ARHGEF18: variants seen among roughly 807,000 people sequenced by gnomAD.
ARHGEF18 encodes rho guanine nucleotide exchange factor 18.
In ARHGEF18, 93 loss-of-function variants were observed where a neutral mutation model predicts 155.7. The observed-to-expected ratio is 0.60, with a 90% CI of 0.50 to 0.71. ARHGEF18 has a LOEUF of 0.71. ARHGEF18 is among the 30% of genes least tolerant of loss of function. The probability of loss-of-function intolerance (pLI) is 0.00; values close to 1 mark genes in which losing one functional copy is unlikely to be tolerated. For missense variants in ARHGEF18, 1,593 were observed against 1,816.1 expected, an observed-to-expected ratio of 0.88 and a Z score of 2.23; for synonymous variants, 742 against 753.1, an observed-to-expected ratio of 0.99 and a Z score of 0.24.
rs1268215798 is a variant in ARHGEF18, at chr19:7,388,090, C to A, written c.967+4887C>A. 1.3e-5 allele frequency among the ~76,000 whole-genome samples: 2 copies of A among 151,966 alleles called. 1 individual carries two copies. The highest frequency in any genetic ancestry group is 4.2e-4 in the South Asian group (2 of 4,792). Reference sequence around the variant, plus strand: ...TTATCATGTCCTGCAAATCAATAAACCCCTTACAAAAAAATGACCTTGAGC... The same window carrying A: ...TTATCATGTCCTGCAAATCAATAAAACCCTTACAAAAAAATGACCTTGAGC... On this transcript the variant is annotated intron_variant, in intron 10 of 28. Coordinates refer to ENST00000668164, the MANE Select transcript of ARHGEF18 (RefSeq NM_001367823.1).
At chr19:7,408,287 GAAA>G (rs1972463204) in intron 10 of ARHGEF18, among the ~76,000 whole-genome samples, 1 of 152,114 alleles carries the variant, frequency 6.6e-6, no homozygotes, top group African/African-American at 2.4e-5. Flanking sequence ...AAAAAAAAGA[GAAA>G]GAGCCAGATA....
intron 22 of ARHGEF18, 150 bp downstream of exon 22, chr19:7,464,105 T>C: frequency 8.5e-7 from 1 of 1,177,284 alleles, no homozygotes; most frequent in Non-Finnish European, 1.1e-6. Flanking sequence ...TGGCGCAATC[T>C]CAGCTCTCTG....
intron 1 of ARHGEF18, among the ~76,000 whole-genome samples, chr19:7,362,392 C>G (rs1419158373): frequency 3.3e-5 from 5 of 152,014 alleles, no homozygotes; most frequent in Non-Finnish European, 5.9e-5. Flanking sequence ...TGCATTTGGT[C>G]TACGGGACCA....
chr19:7,467,696 G>T lies in ARHGEF18; in HGVS notation c.3480+12G>T. 1 of 1,474,200 alleles carries T rather than the reference G, an allele frequency of 6.8e-7. No individual in the cohort carries two copies. Among genetic ancestry groups the T allele is most frequent in the Non-Finnish European group, 8.9e-7 (1 of 1,122,382 alleles). 91.3% of individuals were successfully genotyped at this position (1,474,200 alleles called of 1,614,324 possible). ...ACACACTGGCCGAGGTGAGCGCGCAGCAGCCAGTGTGCGCAGGTTGGGGGT... is the reference window on the plus strand; with the variant it reads ...ACACACTGGCCGAGGTGAGCGCGCATCAGCCAGTGTGCGCAGGTTGGGGGT... On this transcript the variant is annotated intron_variant, in intron 26 of 28. Transcript: ENST00000668164.
At chr19:7,391,508 C>T (rs1240759539) in intron 10 of ARHGEF18, among the ~76,000 whole-genome samples, 2 of 152,134 alleles carry the variant, frequency 1.3e-5, no homozygotes, top group African/African-American at 2.4e-5. Context: ...CCGGACTCCA[C>T]GGCCCAGTCA....
rs377029637 is a variant in ARHGEF18 at position 7,462,117 on chromosome 19, C to A, written c.2453-35C>A. 6.1e-5 allele frequency: 99 copies of A among 1,613,036 alleles called. No individual in the cohort carries two copies. The African/African-American group carries it at 1.2e-3, about 19-fold the overall frequency. Reference sequence around the variant, plus strand: ...CTCAGATGATTCCAGGGAAGGCCGACCCGGCTGACTGCCACCTCCACCATC... The same window carrying A: ...CTCAGATGATTCCAGGGAAGGCCGAACCGGCTGACTGCCACCTCCACCATC... On this transcript the variant is annotated intron_variant, in intron 20 of 28. Coordinates refer to ENST00000668164, the MANE Select transcript of ARHGEF18 (RefSeq NM_001367823.1). The surrounding 1 kb of genome is among the most constrained non-coding windows in gnomAD (Gnocchi z 4.4).
At chr19:7,415,998 A>G (rs1217014782) in intron 10 of ARHGEF18, among the ~76,000 whole-genome samples, 1 of 152,108 alleles carries the variant, frequency 6.6e-6, no homozygotes, top group Non-Finnish European at 1.5e-5. Context: ...GCGACACTCC[A>G]CCTTCTCGTT....
intron 19 of ARHGEF18, among the ~76,000 whole-genome samples, 155 bp from the exon 20 acceptor site, chr19:7,459,748 C>T (rs1192277483): frequency 2.0e-5 from 3 of 152,210 alleles, no homozygotes; most frequent in African/African-American, 7.2e-5. Context: ...CAGTGGCTCT[C>T]TCTCTTCCCC....
chr19:7,356,928 G>A (rs1969330436), intron 1 of ARHGEF18, among the ~76,000 whole-genome samples: 1 of 152,190 alleles, frequency 6.6e-6, no homozygotes, highest in Admixed American at 6.5e-5. Context: ...TGTGTACCAG[G>A]CACTGTGCCG....
intron 10 of ARHGEF18, among the ~76,000 whole-genome samples, chr19:7,423,193 G>A (rs897889317): frequency 7.2e-5 from 11 of 152,042 alleles, no homozygotes; most frequent in South Asian, 2.1e-4. Flanking sequence ...CCATTTGCAC[G>A]GTCCGGTCTG....
chr19:7,417,395 A>G (rs1973087068), intron 10 of ARHGEF18, among the ~76,000 whole-genome samples: 1 of 152,126 alleles, frequency 6.6e-6, no homozygotes. Flanking sequence ...TTTGAAAATT[A>G]TACATTTAAA....
At chr19:7,409,827 T>C (rs1972567037) in intron 10 of ARHGEF18, among the ~76,000 whole-genome samples, 2 of 141,994 alleles carry the variant, frequency 1.4e-5, no homozygotes, top group South Asian at 4.5e-4. Flanking sequence ...TGGAGTGCAG[T>C]GGTGCAACCT....
intron 1 of ARHGEF18, among the ~76,000 whole-genome samples, chr19:7,350,767 G>GT (rs1969136536): frequency 0.022 from 433 of 19,486 alleles, 10 homozygotes; most frequent in Admixed American, 0.049. Flanking sequence ...TTTTGGGGTG[G>GT]GTGTGTGTGT....
At position 7,462,393 on chromosome 19, in the gene ARHGEF18, A is replaced by G; in HGVS notation, c.2635+59A>G. The G allele has an allele frequency of 8.7e-6, 13 of 1,487,852 alleles. No homozygotes were observed. Among genetic ancestry groups the G allele is most frequent in the Middle Eastern group, 2.3e-4 (1 of 4,394 alleles). The allele number at this position is 1,487,852 out of a possible 1,614,324, so 92.2% of individuals were successfully genotyped here. ...CTTGCCGGGGTGGGCTCCTCAGGGA[A>G]CCCCAGGCCAGGCTCACGGCTCATT... On this transcript the variant is annotated intron_variant, in intron 21 of 28. Transcript: ENST00000668164. The surrounding 1 kb of genome is among the most constrained non-coding windows in gnomAD (Gnocchi z 4.4).
At chr19:7,468,379 T>TAAA (rs75289003) in intron 26 of ARHGEF18, among the ~76,000 whole-genome samples, 4 of 148,800 alleles carry the variant, frequency 2.7e-5, no homozygotes, top group East Asian at 2.0e-4. Context: ...ACCTCATCTC[T>TAAA]AAAAAAAAAA....
rs774116610 is a variant in ARHGEF18, at chr19:7,440,534, G to T, written c.1106+52G>T. ...CGGGTGGGTGGTGGCATTCCCCGGGGAGCTGTTGACAGCCTCTTCGGAGGG... is the reference window on the plus strand; with the variant it reads ...CGGGTGGGTGGTGGCATTCCCCGGGTAGCTGTTGACAGCCTCTTCGGAGGG... On this transcript the variant is annotated intron_variant, in intron 11 of 28. Transcript: ENST00000668164. The surrounding 1 kb of genome is among the most constrained non-coding windows in gnomAD (Gnocchi z 5.4). 1.9e-6 allele frequency: 3 copies of T among 1,550,132 alleles called. No homozygotes were observed. Among genetic ancestry groups the T allele is most frequent in the South Asian group, 1.2e-5 (1 of 83,932 alleles).
At chr19:7,443,382 G>A (rs1974792644) in intron 13 of ARHGEF18, among the ~76,000 whole-genome samples, 1 of 151,828 alleles carries the variant, frequency 6.6e-6, no homozygotes. Flanking sequence ...TTATTTTTTG[G>A]TAGAGACAGG....
At chr19:7,479,234 G>A in the ARHGEF18 span, among the ~76,000 whole-genome samples, 2 of 152,152 alleles carry the variant, frequency 1.3e-5, no homozygotes, top group Admixed American at 6.5e-5. Context: ...CTGTAATCCC[G>A]GGACTTTGGG....
At chr19:7,410,364 T>G (rs1972601291) in intron 10 of ARHGEF18, among the ~76,000 whole-genome samples, 1 of 151,508 alleles carries the variant, frequency 6.6e-6, no homozygotes, top group African/African-American at 2.4e-5. Flanking sequence ...TTTCCCACAT[T>G]AAAATTGTTG....
Sources: gnomAD v4.1 joint callset for allele counts (sites outside exome capture counted in the v4.1 genomes callset) on GRCh38, gnomAD v4.1.1 for gene constraint, Gnocchi (gnomAD v3.1) non-coding constraint, MANE v1.5 for transcripts, NCBI Gene and HGNC (gene_info 2026-07-23, HGNC 2026-07-21) for gene names.